Variants in KLRG1 observed in about 807,000 individuals in gnomAD.
KLRG1 encodes the protein killer cell lectin-like receptor subfamily G member 1.
In KLRG1, 16 loss-of-function variants were observed where a neutral mutation model predicts 21.8. The observed-to-expected ratio is 0.73, with a 90% CI of 0.50 to 1.11. The LOEUF (loss-of-function observed/expected upper bound fraction) is 1.11. KLRG1 is among the 50% of genes most tolerant of loss of function. KLRG1 has a pLI of 0.00. For synonymous variants in KLRG1, 69 were observed against 75.9 expected (o/e 0.91, Z 0.47); for missense variants, 173 against 218.3 (o/e 0.79, Z 1.31).
At chr12:9,104,193 T>C in the KLRG1 span, 1 of 1,577,940 alleles carries the variant, frequency 6.3e-7, no homozygotes, top group Non-Finnish European at 8.6e-7. Context: ...TGCAACCTTG[T>C]TTCCAAGGCT....
the KLRG1 span, among the ~76,000 whole-genome samples, chr12:9,140,410 A>G: frequency 6.6e-6 from 1 of 152,172 alleles, no homozygotes; most frequent in African/African-American, 2.4e-5. Context: ...ATTGGTTGAG[A>G]TAGAAGCAAC....
chr12:9,157,373 G>T, the KLRG1 span: 1 of 1,602,678 alleles, frequency 6.2e-7, no homozygotes, highest in Admixed American at 1.7e-5. Context: ...GGCAAAATGT[G>T]GTTGTGTCAA....
At chr12:8,956,313 C>T (rs1946292196) in intron 1 of KLRG1, among the ~76,000 whole-genome samples, 1 of 152,154 alleles carries the variant, frequency 6.6e-6, no homozygotes, top group South Asian at 2.1e-4. Context: ...GGGACATGCC[C>T]CCGTTCGGCA....
the KLRG1 span, among the ~76,000 whole-genome samples, chr12:9,198,283 T>G: frequency 6.6e-6 from 1 of 152,006 alleles, no homozygotes; most frequent in Non-Finnish European, 1.5e-5. Flanking sequence ...GCCCAGGAGT[T>G]TGAGGCTACA....
the KLRG1 span, chr12:9,109,816 G>A: frequency 1.6e-5 from 25 of 1,520,520 alleles, no homozygotes; most frequent in Non-Finnish European, 2.1e-5. Flanking sequence ...CAGGACCTAA[G>A]AGTTTAAATA....
chr12:9,174,407 G>A, the KLRG1 span, among the ~76,000 whole-genome samples: 1 of 152,070 alleles, frequency 6.6e-6, no homozygotes, highest in Non-Finnish European at 1.5e-5. Flanking sequence ...CTTGAAAACT[G>A]GCACAAGACA....
rs144295984 is a variant in KLRG1, at chr12:8,975,840, G to A, written c.-155-16366G>A. ...GCCTCCTGAAGTGCTGGGATTACAC[G>A]TGTGAGCCACTGGGCCCAGCTTTTT... is the stretch of plus-strand genomic sequence containing the variant. On this transcript the variant is annotated intron_variant, in intron 1 of 4. Transcript: ENST00000539240. Among the ~76,000 whole-genome samples, 15 of 152,286 alleles carry A rather than the reference G, an allele frequency of 9.8e-5. No individual in the cohort carries two copies. The East Asian group carries it at 2.5e-3, about 25-fold the overall frequency.
chr12:9,069,938 G>A, the KLRG1 span: 2 of 783,724 alleles, frequency 2.6e-6, no homozygotes, highest in Non-Finnish European at 4.3e-6. Flanking sequence ...TTTTTGTAAG[G>A]AAATATATAA....
At chr12:9,001,442 G>A (rs1422351802) in intron 3 of KLRG1, among the ~76,000 whole-genome samples, 1 of 152,078 alleles carries the variant, frequency 6.6e-6, no homozygotes, top group East Asian at 1.9e-4. Flanking sequence ...TTTTTCCCCT[G>A]CAGGCTCTAC....
chr12:9,182,043 T>C, the KLRG1 span: 2 of 1,613,810 alleles, frequency 1.2e-6, no homozygotes, highest in Non-Finnish European at 1.7e-6. Context: ...TCTGGTAAAA[T>C]GGCAAAGATG....
the KLRG1 span, chr12:9,076,811 G>T: frequency 6.2e-7 from 1 of 1,613,880 alleles, no homozygotes. Flanking sequence ...TCTTGTCCTG[G>T]TTACCTGCCA....
the KLRG1 span, among the ~76,000 whole-genome samples, chr12:9,179,727 T>C: frequency 2.6e-5 from 4 of 152,226 alleles, no homozygotes; most frequent in African/African-American, 9.6e-5. Flanking sequence ...TCCAAACTAA[T>C]ACTTTGGCAA....
chr12:8,988,127 A>G (rs1042377942), upstream of KLRG1, among the ~76,000 whole-genome samples: 1 of 152,194 alleles, frequency 6.6e-6, no homozygotes, highest in Non-Finnish European at 1.5e-5. Context: ...GAATTCCTAC[A>G]GTCTTAAGGG....
chr12:8,969,814 C>T (rs1276027776), intron 1 of KLRG1, among the ~76,000 whole-genome samples: 1 of 152,076 alleles, frequency 6.6e-6, no homozygotes, highest in Non-Finnish European at 1.5e-5. Context: ...GATTCTAAGC[C>T]ATGAAAAGCA....
the KLRG1 span, among the ~76,000 whole-genome samples, chr12:9,193,256 C>T: frequency 5.3e-5 from 8 of 152,088 alleles, no homozygotes; most frequent in East Asian, 1.9e-4. Context: ...TAATGTTTTG[C>T]GCACAATTCT....
chr12:9,126,997 C>G, the KLRG1 span, among the ~76,000 whole-genome samples: 2 of 152,190 alleles, frequency 1.3e-5, no homozygotes, highest in Non-Finnish European at 2.9e-5. Flanking sequence ...AGTAAAAGCT[C>G]TAGACACTAC....
intron 1 of KLRG1, among the ~76,000 whole-genome samples, chr12:8,964,039 G>T (rs913604248): frequency 6.6e-6 from 1 of 152,098 alleles, no homozygotes; most frequent in Non-Finnish European, 1.5e-5. Flanking sequence ...ATCTCCTTCA[G>T]TTCTGCTCTG....
At chr12:9,072,620 T>C in the KLRG1 span, 1 of 1,606,400 alleles carries the variant, frequency 6.2e-7, no homozygotes, top group East Asian at 2.2e-5. Flanking sequence ...GCTGTCCTCA[T>C]CTGTCCTGTC....
intron 1 of KLRG1, among the ~76,000 whole-genome samples, chr12:8,956,173 A>G (rs1946289653): frequency 6.6e-6 from 1 of 152,186 alleles, no homozygotes; most frequent in African/African-American, 2.4e-5. Flanking sequence ...AGCGGGTGCA[A>G]AAGAACAGCA....
Sources: gnomAD v4.1 joint callset for allele counts (sites outside exome capture counted in the v4.1 genomes callset) on GRCh38, gnomAD v4.1.1 for gene constraint, MANE v1.5 for transcripts, NCBI Gene and HGNC (gene_info 2026-07-23, HGNC 2026-07-21) for gene names.